The following RAD51B variants were observed in gnomAD, a reference collection of about 807,000 sequenced individuals.
The protein encoded by RAD51B is RAD51 paralog B.
In RAD51B, 38 loss-of-function variants were observed where a neutral mutation model predicts 42.2. The ratio of observed to expected loss-of-function variants is 0.90; its 90% confidence interval spans 0.70 to 1.18. RAD51B has a LOEUF of 1.18. Among genes scored for constraint, RAD51B ranks in the 50% most tolerant of loss-of-function variants. RAD51B has a pLI of 0.00. For missense variants in RAD51B, 373 were observed against 400.7 expected (o/e 0.93, Z 0.59); for synonymous variants, 154 against 145.2 (o/e 1.06, Z -0.43).
At chr14:67,891,680 C>T (rs2043223919) in intron 7 of RAD51B, among the ~76,000 whole-genome samples, 1 of 151,706 alleles carries the variant, frequency 6.6e-6, no homozygotes, top group South Asian at 2.1e-4. Flanking sequence ...ACACCATGAG[C>T]TGTTCCATTA....
At chr14:68,144,240 A>G (rs573959503) in intron 7 of RAD51B, among the ~76,000 whole-genome samples, 1 of 152,292 alleles carries the variant, frequency 6.6e-6, no homozygotes, top group Admixed American at 6.5e-5. Context: ...TTGGAGAACT[A>G]GCTTAGGTGT....
chr14:68,287,275 A>C (rs944663325), intron 7 of RAD51B, among the ~76,000 whole-genome samples: 2 of 152,164 alleles, frequency 1.3e-5, no homozygotes, highest in African/African-American at 4.8e-5. Flanking sequence ...GGTCTATGTG[A>C]CACTATATGA....
At chr14:68,670,921 C>G (rs1476010724) in intron 11 of RAD51B, among the ~76,000 whole-genome samples, 1 of 152,176 alleles carries the variant, frequency 6.6e-6, no homozygotes, top group Non-Finnish European at 1.5e-5. Flanking sequence ...CCAAGCCAAA[C>G]AGCTGTTTGT....
intron 7 of RAD51B, among the ~76,000 whole-genome samples, chr14:68,131,591 G>A (rs557446184): frequency 6.6e-6 from 1 of 152,304 alleles, no homozygotes; most frequent in African/African-American, 2.4e-5. Flanking sequence ...AGCCACTTGG[G>A]AGGCTGAGGC....
intron 7 of RAD51B, among the ~76,000 whole-genome samples, chr14:68,041,802 G>A (rs1228431897): frequency 6.6e-6 from 1 of 151,974 alleles, no homozygotes; most frequent in Non-Finnish European, 1.5e-5. Context: ...CTATTTTACC[G>A]CTGCTTTTCT....
rs1028310333 is a variant in RAD51B, at chr14:67,924,338, C to G, written c.756+37134C>G. On this transcript the variant is annotated intron_variant, in intron 7 of 10. Coordinates refer to ENST00000471583, the MANE Select transcript of RAD51B (RefSeq NM_133510.4). ...TCTAGAAGGGGTTTTCCAATGTTATCTGCTAGAATTTTTATGTTCAGGTCT... is the reference window on the plus strand; with the variant it reads ...TCTAGAAGGGGTTTTCCAATGTTATGTGCTAGAATTTTTATGTTCAGGTCT... Among the ~76,000 whole-genome samples, 3 of 152,186 alleles carry G rather than the reference C, an allele frequency of 2.0e-5. No individual in the cohort carries two copies. The East Asian group carries it at 5.8e-4, about 29-fold the overall frequency.
intron 10 of RAD51B, among the ~76,000 whole-genome samples, chr14:68,490,735 G>T (rs1448891443): frequency 6.6e-6 from 1 of 152,190 alleles, no homozygotes; most frequent in African/African-American, 2.4e-5. Context: ...GCAACAAAGA[G>T]CGTGGGGTAT....
chr14:68,582,452 G>A (rs547365079), intron 10 of RAD51B, among the ~76,000 whole-genome samples: 40 of 152,312 alleles, frequency 2.6e-4, no homozygotes, highest in African/African-American at 8.9e-4. Flanking sequence ...AAACCACAAT[G>A]AGATACCATC....
chr14:68,147,187 A>G (rs2078269166), intron 7 of RAD51B, among the ~76,000 whole-genome samples: 1 of 152,238 alleles, frequency 6.6e-6, no homozygotes, highest in Admixed American at 6.5e-5. Context: ...ACTGAGATCT[A>G]TAAACCTACG....
At chr14:67,982,127 G>A (rs2075105384) in intron 7 of RAD51B, among the ~76,000 whole-genome samples, 1 of 151,982 alleles carries the variant, frequency 6.6e-6, no homozygotes, top group African/African-American at 2.4e-5. Flanking sequence ...TAGAGACGGG[G>A]TTTCACCATG....
intron 7 of RAD51B, among the ~76,000 whole-genome samples, chr14:68,247,632 A>G (rs1015405603): frequency 1.3e-5 from 2 of 152,270 alleles, no homozygotes; most frequent in Non-Finnish European, 2.9e-5. Flanking sequence ...TATCATTCTC[A>G]ACGGAACATA....
At chr14:67,891,878 C>T (rs1390230867) in intron 7 of RAD51B, among the ~76,000 whole-genome samples, 1 of 152,112 alleles carries the variant, frequency 6.6e-6, no homozygotes, top group Non-Finnish European at 1.5e-5. Context: ...CCAAATTCGA[C>T]ATTTATTTTT....
chr14:68,180,075 A>G (rs368656205), intron 7 of RAD51B, among the ~76,000 whole-genome samples: 4 of 152,220 alleles, frequency 2.6e-5, no homozygotes, highest in East Asian at 1.9e-4. Context: ...GGCACCGACA[A>G]TTCCTCAGTC....
intron 7 of RAD51B, among the ~76,000 whole-genome samples, chr14:68,066,328 A>AG (rs1434570372): frequency 6.6e-6 from 1 of 151,912 alleles, no homozygotes; most frequent in Non-Finnish European, 1.5e-5. Context: ...TTTAAAAAAA[A>AG]GATTCTGATT....
chr14:68,314,230 T>G (rs1444752114), intron 8 of RAD51B, among the ~76,000 whole-genome samples: 1 of 151,990 alleles, frequency 6.6e-6, no homozygotes, highest in African/African-American at 2.4e-5. Context: ...AAAGGACACT[T>G]CCACTGCCCA....
chr14:68,055,117 T>C (rs1241958888), intron 7 of RAD51B, among the ~76,000 whole-genome samples: 1 of 152,204 alleles, frequency 6.6e-6, no homozygotes, highest in Non-Finnish European at 1.5e-5. Flanking sequence ...CTGATATTCC[T>C]GACAAGCAAA....
chr14:68,160,869 G>T (rs528159747), intron 7 of RAD51B, among the ~76,000 whole-genome samples: 18 of 152,278 alleles, frequency 1.2e-4, no homozygotes, highest in Admixed American at 1.0e-3. Flanking sequence ...GCTTTTCATT[G>T]GCTTGATTGT....
chr14:68,303,664 G>A (rs1025741803), intron 8 of RAD51B, among the ~76,000 whole-genome samples: 3 of 152,252 alleles, frequency 2.0e-5, no homozygotes, highest in Admixed American at 2.0e-4. Flanking sequence ...TTTAGAATAA[G>A]TTTTAACCTT....
chr14:68,092,160 T>G (rs1452086858), intron 7 of RAD51B, among the ~76,000 whole-genome samples: 1 of 152,234 alleles, frequency 6.6e-6, no homozygotes, highest in African/African-American at 2.4e-5. Flanking sequence ...TCTTTTGGCT[T>G]AGGATTGACT....
Sources: gnomAD v4.1 joint callset for allele counts (sites outside exome capture counted in the v4.1 genomes callset) on GRCh38, gnomAD v4.1.1 for gene constraint, MANE v1.5 for transcripts, NCBI Gene and HGNC (gene_info 2026-07-23, HGNC 2026-07-21) for gene names.